Variants in RGS3 observed in about 807,000 individuals in gnomAD.
RGS3 encodes the protein regulator of G-protein signalling 3.
In RGS3, 80 loss-of-function variants were observed where a neutral mutation model predicts 132.6. The observed-to-expected ratio is 0.60, with a 90% CI of 0.50 to 0.73. RGS3 has a LOEUF of 0.73. Among genes scored for constraint, RGS3 ranks in the 30% least tolerant of loss-of-function variants. RGS3 has a pLI of 0.00. For synonymous variants in RGS3, 598 were observed against 620.6 expected (o/e 0.96, Z 0.54); for missense variants, 1,382 against 1,530.8 (o/e 0.90, Z 1.62).
At chr9:113,457,578 G>A (rs1240907713), upstream of RGS3, among the ~76,000 whole-genome samples, 2 of 152,196 alleles carry the variant, frequency 1.3e-5, no homozygotes, top group African/African-American at 2.4e-5. Context: ...CTGCTAGACC[G>A]TAGCCTTGCC....
chr9:113,464,932 G>A (rs1467340074), intron 3 of RGS3, among the ~76,000 whole-genome samples: 1 of 152,206 alleles, frequency 6.6e-6, no homozygotes, highest in Non-Finnish European at 1.5e-5. Flanking sequence ...CTTAGGGGTA[G>A]AGGGAATGAT....
chr9:113,548,669 C>G (rs1382171964), intron 19 of RGS3, among the ~76,000 whole-genome samples: 1 of 152,216 alleles, frequency 6.6e-6, no homozygotes, highest in Non-Finnish European at 1.5e-5. Context: ...GAGCCATCAG[C>G]CCTCACACCC....
At chr9:113,553,459 A>AAAAAAAATATAT (rs1426114805) in intron 19 of RGS3, among the ~76,000 whole-genome samples, 26 of 58,676 alleles carry the variant, frequency 4.4e-4, no homozygotes, top group African/African-American at 5.7e-4. Context: ...AAAAAAAAAA[A>AAAAAAAATATAT]ATATATATAT....
intron 20 of RGS3, among the ~76,000 whole-genome samples, chr9:113,590,801 A>C (rs191478529): frequency 6.6e-6 from 1 of 152,150 alleles, no homozygotes; most frequent in East Asian, 1.9e-4. Flanking sequence ...CGGAGTTTGA[A>C]TGTTATCCCG....
intron 17 of RGS3, among the ~76,000 whole-genome samples, chr9:113,524,216 C>T (rs960672342): frequency 6.6e-6 from 1 of 152,200 alleles, no homozygotes; most frequent in Non-Finnish European, 1.5e-5. Context: ...TACCCCCAGC[C>T]CCTCCCTGGC....
chr9:113,500,140 T>G (rs891723225), intron 10 of RGS3, among the ~76,000 whole-genome samples: 3 of 152,224 alleles, frequency 2.0e-5, no homozygotes, highest in African/African-American at 7.2e-5. Context: ...CCCCTTGTTC[T>G]GAGGTGCACT....
chr9:113,498,146 C>G, intron 10 of RGS3, 66 bp downstream of exon 8: 1 of 1,449,674 alleles, frequency 6.9e-7, no homozygotes, highest in Non-Finnish European at 9.7e-7. Context: ...CCCCTGGGCC[C>G]GGGAAACCCC....
chr9:113,510,348 G>C (rs1298211609), intron 14 of RGS3, among the ~76,000 whole-genome samples: 2 of 152,228 alleles, frequency 1.3e-5, no homozygotes, highest in African/African-American at 2.4e-5. Context: ...GGTTAGAGTG[G>C]AGATGCTGCA....
At chr9:113,462,162 G>C in exon 3 of RGS3, 1 of 1,614,152 alleles carries the variant, frequency 6.2e-7, no homozygotes, top group Non-Finnish European at 8.5e-7. Flanking sequence ...AACTTCTCCA[G>C]CCAGGAAGAG....
At chr9:113,536,148 T>C (rs1430948115) in intron 18 of RGS3, among the ~76,000 whole-genome samples, 1 of 152,222 alleles carries the variant, frequency 6.6e-6, no homozygotes, top group Non-Finnish European at 1.5e-5. Context: ...GGGACCTAAA[T>C]GTCAGCAGTG....
At chr9:113,547,975 A>G (rs1212756065) in intron 19 of RGS3, among the ~76,000 whole-genome samples, 2 of 152,248 alleles carry the variant, frequency 1.3e-5, no homozygotes, top group South Asian at 2.1e-4. Context: ...GCTGACCACC[A>G]TTTATAACAT....
At chr9:113,542,210 G>A (rs551800905) in intron 19 of RGS3, 1 of 152,318 alleles carries the variant, frequency 6.6e-6, no homozygotes. Flanking sequence ...TGTTCGCGGT[G>A]GATGGAATAG....
At chr9:113,479,349 G>A in intron 3 of RGS3, 142 bp from the exon 2 acceptor site, 1 of 833,538 alleles carries the variant, frequency 1.2e-6, no homozygotes, top group African/African-American at 1.7e-5. Context: ...GGCTTCTGAG[G>A]TCCCTGCCAG....
intron 19 of RGS3, among the ~76,000 whole-genome samples, chr9:113,552,293 TC>T (rs1202055451): frequency 6.6e-6 from 1 of 152,150 alleles, no homozygotes; most frequent in Non-Finnish European, 1.5e-5. Flanking sequence ...AAAAATTATT[TC>T]CCCCCTCTTC....
intron 3 of RGS3, among the ~76,000 whole-genome samples, chr9:113,475,464 C>T (rs997046587): frequency 1.3e-5 from 2 of 152,070 alleles, no homozygotes; most frequent in South Asian, 2.1e-4. Flanking sequence ...GGAGTACAGT[C>T]GTGCAATCAT....
At chr9:113,523,426 C>T (rs892592726) in intron 17 of RGS3, among the ~76,000 whole-genome samples, 2 of 152,058 alleles carry the variant, frequency 1.3e-5, no homozygotes, top group Non-Finnish European at 2.9e-5. Context: ...AAATAGTAAC[C>T]GAGAAGGTTG....
At chr9:113,479,405 A>G in intron 3 of RGS3, 86 bp from the exon 2 acceptor site, 2 of 1,317,278 alleles carry the variant, frequency 1.5e-6, no homozygotes, top group Non-Finnish European at 2.2e-6. Flanking sequence ...TGAACAAAAG[A>G]GCATTTCTGT....
At chr9:113,557,206 C>T (rs1833603418) in intron 19 of RGS3, among the ~76,000 whole-genome samples, 2 of 152,206 alleles carry the variant, frequency 1.3e-5, no homozygotes, top group South Asian at 4.1e-4. Context: ...AGCCTTCAGG[C>T]CTAGTTGGAT....
intron 16 of RGS3, among the ~76,000 whole-genome samples, chr9:113,520,810 T>A (rs972997239): frequency 1.3e-5 from 2 of 152,094 alleles, no homozygotes; most frequent in African/African-American, 2.4e-5. Context: ...ACCTCATCTC[T>A]TAACATTATT....
Sources: gnomAD v4.1 joint callset for allele counts (sites outside exome capture counted in the v4.1 genomes callset) on GRCh38, gnomAD v4.1.1 for gene constraint, MANE v1.5 for transcripts, NCBI Gene and HGNC (gene_info 2026-07-23, HGNC 2026-07-21) for gene names.